Variants in MAD1L1 observed in about 807,000 individuals in gnomAD.
The protein encoded by MAD1L1 is mitotic arrest deficient 1 like 1, also known as mitotic spindle assembly checkpoint protein MAD1.
MAD1L1 carries 95 observed loss-of-function variants against 96.9 expected under a neutral mutation model. That is an observed-to-expected ratio of 0.98 (90% CI 0.83 to 1.16). The LOEUF (loss-of-function observed/expected upper bound fraction) is 1.16, where lower values mean the gene tolerates loss of function less well. Among genes scored for constraint, MAD1L1 ranks in the 50% most tolerant of loss-of-function variants. The probability of loss-of-function intolerance (pLI) is 0.00; values close to 1 mark genes in which losing one functional copy is unlikely to be tolerated. For synonymous variants in MAD1L1, 473 were observed against 396.6 expected, an observed-to-expected ratio of 1.19 and a Z score of -2.29; for missense variants, 1,007 against 954.4, an observed-to-expected ratio of 1.06 and a Z score of -0.73.
intron 3 of MAD1L1, among the ~76,000 whole-genome samples, chr7:2,228,796 G>A (rs572057801): frequency 2.7e-4 from 41 of 151,214 alleles, no homozygotes; most frequent in Middle Eastern, 3.4e-3. Flanking sequence ...GCTGGAGTGC[G>A]GTGGCGCAAT....
Position 2,141,980 on chromosome 7 carries a change from G to A in MAD1L1, c.1073+7172C>T, listed in dbSNP as rs1401796792. 2.6e-5 allele frequency among the ~76,000 whole-genome samples: 4 copies of A among 152,342 alleles called. No homozygotes were observed. The East Asian group carries it at 7.7e-4, about 29-fold the overall frequency. Reference sequence around the variant, plus strand: ...GGGCAGCCATCACCGGCCAGCAGGTGGACCGCACAGCCGTGAGCACAGAAT... The same window carrying A: ...GGGCAGCCATCACCGGCCAGCAGGTAGACCGCACAGCCGTGAGCACAGAAT... On this transcript the variant is annotated intron_variant, in intron 11 of 18. Coordinates refer to ENST00000265854, the MANE Select transcript of MAD1L1 (RefSeq NM_001013836.2).
intron 14 of MAD1L1, among the ~76,000 whole-genome samples, chr7:1,997,895 G>A (rs1158882026): frequency 6.6e-6 from 1 of 152,170 alleles, no homozygotes; most frequent in African/African-American, 2.4e-5. Context: ...GGAGCCCTGC[G>A]GCTCCAAACA....
intron 17 of MAD1L1, among the ~76,000 whole-genome samples, chr7:1,922,793 G>A (rs549806846): frequency 6.6e-6 from 1 of 152,298 alleles, no homozygotes; most frequent in Admixed American, 6.5e-5. Context: ...GGGGGTTCTC[G>A]GCTTCTCCTG....
chr7:1,912,364 T>C (rs980764782), intron 17 of MAD1L1, among the ~76,000 whole-genome samples: 17 of 152,316 alleles, frequency 1.1e-4, no homozygotes, highest in Admixed American at 5.2e-4. Flanking sequence ...AAGGAAGCAG[T>C]TGGGGTCAGA....
intron 18 of MAD1L1, among the ~76,000 whole-genome samples, chr7:1,833,371 C>T (rs1349810079): frequency 2.6e-5 from 4 of 152,050 alleles, no homozygotes; most frequent in African/African-American, 4.8e-5. Context: ...ATGATAAAAG[C>T]GTCCATTTAT....
chr7:2,014,568 C>T lies in MAD1L1; in HGVS notation c.1293G>A (p.Leu431=). 3 of 1,612,140 alleles carry T rather than the reference C, an allele frequency of 1.9e-6. No individual in the cohort carries two copies. Among genetic ancestry groups the T allele is most frequent in the Non-Finnish European group, 2.5e-6 (3 of 1,179,818 alleles). ...CCTCAGCCTCCCGCATGCGCCGCGT[C>T]AGCTGGGGTGAGTACTCGGCCGGGG... ...ELTPAEYSPQ[L]TRRMREAEDM... The change falls in exon 13 of 19, where the codon CTG becomes CTA. Residue 431 remains leucine, a synonymous_variant. Coordinates refer to ENST00000265854, the MANE Select transcript of MAD1L1 (RefSeq NM_001013836.2).
intron 18 of MAD1L1, among the ~76,000 whole-genome samples, chr7:1,831,236 T>C (rs1267476295): frequency 6.6e-6 from 1 of 152,228 alleles, no homozygotes; most frequent in East Asian, 1.9e-4. Flanking sequence ...TATTTCCAAC[T>C]TTTTCATTAC....
chr7:1,867,264 C>T (rs910515926), intron 18 of MAD1L1, among the ~76,000 whole-genome samples: 1 of 152,214 alleles, frequency 6.6e-6, no homozygotes, highest in East Asian at 1.9e-4. Context: ...GCTCCAGAGG[C>T]CTTCGGGGCT....
chr7:1,939,443 T>C (rs1778832828), intron 16 of MAD1L1, among the ~76,000 whole-genome samples: 1 of 152,110 alleles, frequency 6.6e-6, no homozygotes, highest in South Asian at 2.1e-4. Context: ...TGTGGGGCAG[T>C]GAGACTGGAT....
chr7:2,069,369 T>C (rs368581887), intron 11 of MAD1L1, 31 bp from the exon 12 acceptor site: 18 of 1,549,460 alleles, frequency 1.2e-5, no homozygotes, highest in East Asian at 2.3e-5. Context: ...GGCAAAGCAA[T>C]GAAGCCTGGG....
chr7:1,827,395 C>G (rs1175892235), intron 18 of MAD1L1, among the ~76,000 whole-genome samples: 1 of 152,158 alleles, frequency 6.6e-6, no homozygotes, highest in Admixed American at 6.5e-5. Flanking sequence ...GCTCCCTGAG[C>G]CCCGCCCAGG....
At chr7:1,898,131 C>T (rs755805910) in intron 18 of MAD1L1, 69 bp downstream of exon 18, 127 of 1,487,566 alleles carry the variant, frequency 8.5e-5, no homozygotes, top group African/African-American at 6.0e-4. Context: ...CTGAGGGCTA[C>T]GGTCGGATCT....
chr7:2,138,703 G>A (rs7803122), intron 11 of MAD1L1, among the ~76,000 whole-genome samples: 2 of 152,100 alleles, frequency 1.3e-5, no homozygotes, highest in African/African-American at 2.4e-5. Flanking sequence ...CCAGCACTCC[G>A]CTGCCTTCCC....
chr7:2,011,795 AGCCGATACCGTG>A (rs1300265663), intron 13 of MAD1L1, among the ~76,000 whole-genome samples: 1 of 152,094 alleles, frequency 6.6e-6, no homozygotes, highest in African/African-American at 2.4e-5. Flanking sequence ...CTGTGCCAGC[AGCCGATACCGTG>A]GCTGTCTCCA....
Position 2,051,288 on chromosome 7 carries a change from C to T in MAD1L1, c.1218+17906G>A, listed in dbSNP as rs573270410. Among the ~76,000 whole-genome samples, 9 of 152,272 alleles carry T rather than the reference C, an allele frequency of 5.9e-5. 1 individual carries two copies. The highest frequency in any genetic ancestry group is 1.7e-4 in the African/African-American group (7 of 41,572). ...CCTCCCTGGGCTCCTCTCTAAGCCT[C>T]GGTCTCTCTGGTATAAACCTCCAAA... On this transcript the variant is annotated intron_variant, in intron 12 of 18. Coordinates refer to ENST00000265854, the MANE Select transcript of MAD1L1 (RefSeq NM_001013836.2).
At chr7:2,108,047 G>A (rs1442073613) in intron 11 of MAD1L1, among the ~76,000 whole-genome samples, 3 of 151,556 alleles carry the variant, frequency 2.0e-5, no homozygotes, top group Non-Finnish European at 2.9e-5. Flanking sequence ...GAAAACACCT[G>A]TTTTAAAACT....
At chr7:1,883,574 C>A (rs1429284448) in intron 18 of MAD1L1, among the ~76,000 whole-genome samples, 48 of 152,182 alleles carry the variant, frequency 3.2e-4, no homozygotes, top group Admixed American at 3.1e-3. Flanking sequence ...CACCAGGGGA[C>A]GGACAACTCC....
intron 18 of MAD1L1, among the ~76,000 whole-genome samples, chr7:1,893,184 C>T (rs1359861695): frequency 6.6e-6 from 1 of 152,174 alleles, no homozygotes; most frequent in East Asian, 1.9e-4. Context: ...GATTTGCCTG[C>T]CTTTCCCCCA....
intron 7 of MAD1L1, 73 bp from the exon 8 acceptor site, chr7:2,216,360 C>T (rs1217799670): frequency 4.0e-6 from 6 of 1,491,206 alleles, no homozygotes; most frequent in African/African-American, 2.8e-5. Flanking sequence ...CACACGCACA[C>T]GGCTAAGAGA....
Sources: allele counts gnomAD v4.1 joint callset (sites outside exome capture counted in the v4.1 genomes callset), GRCh38; gene constraint gnomAD v4.1.1; transcripts MANE v1.5; gene names NCBI Gene and HGNC (gene_info 2026-07-23, HGNC 2026-07-21).